Variants in FOCAD observed in about 807,000 individuals in gnomAD.
The protein encoded by FOCAD is KIAA1797.
FOCAD carries 198 observed loss-of-function variants against 225.6 expected under a neutral mutation model. The observed-to-expected ratio is 0.88, with a 90% CI of 0.78 to 0.99. The LOEUF is 0.99. Among genes scored for constraint, FOCAD ranks in the 50% least tolerant of loss-of-function variants. FOCAD has a pLI of 0.00. For synonymous variants in FOCAD, 897 were observed against 755.0 expected, an observed-to-expected ratio of 1.19 and a Z score of -3.08; for missense variants, 2,713 against 2,123.6, an observed-to-expected ratio of 1.28 and a Z score of -5.46.
chr9:20,735,504 T>C (rs1181623288), intron 4 of FOCAD, among the ~76,000 whole-genome samples: 1 of 146,726 alleles, frequency 6.8e-6, no homozygotes, highest in Non-Finnish European at 1.5e-5. Flanking sequence ...TCCCCTCCCT[T>C]CCCCTCCTCT....
At chr9:20,824,293 T>A (rs1277204772) in intron 15 of FOCAD, among the ~76,000 whole-genome samples, 1 of 152,070 alleles carries the variant, frequency 6.6e-6, no homozygotes, top group Non-Finnish European at 1.5e-5. Context: ...AAACCAGTTT[T>A]GAGAGAAGAA....
intron 2 of FOCAD, among the ~76,000 whole-genome samples, chr9:20,666,518 C>T (rs932389538): frequency 3.3e-5 from 5 of 152,040 alleles, no homozygotes; most frequent in African/African-American, 9.7e-5. Flanking sequence ...TGCAGTGAGT[C>T]GAAATCACTC....
chr9:20,872,595 T>G (rs1829883961), intron 18 of FOCAD, among the ~76,000 whole-genome samples: 1 of 146,916 alleles, frequency 6.8e-6, no homozygotes, highest in Admixed American at 6.9e-5. Flanking sequence ...CCTCCATAGC[T>G]CCTTCCTTCC....
intron 18 of FOCAD, among the ~76,000 whole-genome samples, chr9:20,870,002 A>G (rs1829624058): frequency 6.6e-6 from 1 of 152,090 alleles, no homozygotes; most frequent in Non-Finnish European, 1.5e-5. Flanking sequence ...TGTCTTCTTT[A>G]GCACACCTCC....
At chr9:20,879,768 T>C (rs1830517153) in intron 19 of FOCAD, among the ~76,000 whole-genome samples, 1 of 152,228 alleles carries the variant, frequency 6.6e-6, no homozygotes, top group Non-Finnish European at 1.5e-5. Flanking sequence ...CAACTACACT[T>C]AGCCTCCTGG....
chr9:20,977,053 G>A (rs567072261), intron 36 of FOCAD, among the ~76,000 whole-genome samples: 4 of 152,160 alleles, frequency 2.6e-5, no homozygotes, highest in Non-Finnish European at 5.9e-5. Context: ...AGAGGTTCTA[G>A]GGAGGAATTC....
intron 10 of FOCAD, among the ~76,000 whole-genome samples, chr9:20,788,266 A>G (rs946082072): frequency 6.6e-6 from 1 of 152,218 alleles, no homozygotes; most frequent in Non-Finnish European, 1.5e-5. Flanking sequence ...GTATGGAACC[A>G]GAGTAGATTA....
chr9:20,769,283 G>A (rs904388022), intron 7 of FOCAD, among the ~76,000 whole-genome samples: 1 of 152,090 alleles, frequency 6.6e-6, no homozygotes, highest in Non-Finnish European at 1.5e-5. Context: ...AGGTACTGCC[G>A]GTCAACCGTA....
intron 22 of FOCAD, among the ~76,000 whole-genome samples, chr9:20,908,533 T>C (rs1281813391): frequency 1.3e-5 from 2 of 152,098 alleles, no homozygotes; most frequent in African/African-American, 4.8e-5. Flanking sequence ...CAGCCAAACT[T>C]AGAGCAAACA....
chr9:20,841,009 A>G (rs1170908988), intron 15 of FOCAD, among the ~76,000 whole-genome samples: 7 of 151,974 alleles, frequency 4.6e-5, no homozygotes, highest in Non-Finnish European at 1.0e-4. Flanking sequence ...GCTTTATTCT[A>G]TTGATACGAT....
intron 14 of FOCAD, among the ~76,000 whole-genome samples, chr9:20,822,715 A>G (rs1419246412): frequency 6.6e-6 from 1 of 152,020 alleles, no homozygotes; most frequent in Non-Finnish European, 1.5e-5. Context: ...GTTTTTCTCA[A>G]TTCAGACAAT....
intron 5 of FOCAD, among the ~76,000 whole-genome samples, chr9:20,751,200 T>G (rs1828509858): frequency 6.6e-6 from 1 of 151,426 alleles, no homozygotes; most frequent in Admixed American, 6.6e-5. Flanking sequence ...AGGGTACATA[T>G]GCACAATGTG....
At chr9:20,835,424 A>C (rs1210651785) in intron 15 of FOCAD, among the ~76,000 whole-genome samples, 1 of 152,064 alleles carries the variant, frequency 6.6e-6, no homozygotes, top group East Asian at 1.9e-4. Flanking sequence ...TTGCCTTATT[A>C]ATTGTGATAA....
chr9:20,787,833 G>A (rs1820084349), intron 10 of FOCAD, among the ~76,000 whole-genome samples: 1 of 151,814 alleles, frequency 6.6e-6, no homozygotes, highest in African/African-American at 2.4e-5. Context: ...AAAAAAATTG[G>A]TAGCACTCGA....
At chr9:20,814,216 A>G (rs527392594) in intron 11 of FOCAD, among the ~76,000 whole-genome samples, 3 of 151,726 alleles carry the variant, frequency 2.0e-5, no homozygotes, top group South Asian at 2.1e-4. Context: ...AGGACTTACT[A>G]TTGCCATTTT....
chr9:20,869,787 G>A (rs938550564), intron 18 of FOCAD, among the ~76,000 whole-genome samples: 4 of 152,128 alleles, frequency 2.6e-5, no homozygotes, highest in African/African-American at 9.7e-5. Context: ...AAGAGCTGAG[G>A]ATGTTGACTG....
chr9:20,924,259 T>A (rs1834736618), intron 25 of FOCAD, among the ~76,000 whole-genome samples: 1 of 152,238 alleles, frequency 6.6e-6, no homozygotes, highest in African/African-American at 2.4e-5. Flanking sequence ...ATAATTCATA[T>A]CTGTCTAAAT....
intron 1 of FOCAD, among the ~76,000 whole-genome samples, chr9:20,713,279 C>T (rs1049476418): frequency 2.0e-5 from 3 of 152,170 alleles, no homozygotes; most frequent in Non-Finnish European, 2.9e-5. Flanking sequence ...CTTCACTCTG[C>T]TGTATGCACA....
rs1564107540 is a variant in FOCAD at position 20,881,976 on chromosome 9, A to G, written c.2423A>G (p.Lys808Arg). The G allele has an allele frequency of 3.1e-6, 5 of 1,614,010 alleles. No homozygotes were observed. Among genetic ancestry groups the G allele is most frequent in the Non-Finnish European group, 4.2e-6 (5 of 1,179,902 alleles). ...LKGGARSDQG[K>R]TVAGIPNFIL... is the part of the protein sequence containing the mutation. ...GGAGGTGCCCGCTCAGACCAAGGAA[A>G]GACTGTAGCAGGAATCCCCAATTTT... Residue 808 changes from lysine to arginine, a missense_variant, in exon 20 of 44, where the codon AAG (lysine) becomes AGG (arginine). Transcript: ENST00000338382.
Sources: gnomAD v4.1 joint callset for allele counts (sites outside exome capture counted in the v4.1 genomes callset) on GRCh38, gnomAD v4.1.1 for gene constraint, MANE v1.5 for transcripts, NCBI Gene and HGNC (gene_info 2026-07-23, HGNC 2026-07-21) for gene names.